Variants in SLC29A3 observed in about 807,000 individuals in gnomAD.
SLC29A3 encodes the protein solute carrier family 29 member 3, also known as equilibrative nucleoside transporter 3.
In SLC29A3, 18 loss-of-function variants were observed where a neutral mutation model predicts 25.4. That is an observed-to-expected ratio of 0.71 (90% CI 0.49 to 1.05). The LOEUF is 1.05. Ranked by LOEUF, SLC29A3 falls within the 50% of genes least tolerant of loss-of-function variation. The probability of loss-of-function intolerance (pLI) is 0.00; values close to 1 mark genes in which losing one functional copy is unlikely to be tolerated. For synonymous variants in SLC29A3, 258 were observed against 267.1 expected (o/e 0.97, Z 0.33); for missense variants, 586 against 609.0 (o/e 0.96, Z 0.40).
intron 1 of SLC29A3, 79 bp downstream of exon 1, chr10:71,319,389 G>T: frequency 1.7e-6 from 1 of 582,468 alleles, no homozygotes; most frequent in South Asian, 2.0e-5. Flanking sequence ...CTCCCTCCCG[G>T]GCCCTGGGGG....
Position 71,361,950 on chromosome 10 carries a change from G to A in SLC29A3, c.774-4G>A, listed in dbSNP as rs979881042. The A allele has an allele frequency of 3.1e-6, 5 of 1,613,846 alleles. No individual in the cohort carries two copies. The African/African-American group carries it at 5.3e-5, about 17-fold the overall frequency. On this transcript the variant is annotated splice_polypyrimidine_tract_variant and splice_region_variant and intron_variant, in intron 5 of 5. Transcript: ENST00000373189. ...TTGATGGTGGCCCTGTCTCCTCCCT[G>A]CAGGTACTACATGAGGCCTGTTCTT...
chr10:71,335,000 C>G (rs937850322), intron 2 of SLC29A3, among the ~76,000 whole-genome samples: 1 of 148,892 alleles, frequency 6.7e-6, no homozygotes, highest in African/African-American at 2.5e-5. Context: ...CACTGGCATT[C>G]CCAGCCCCTA....
chr10:71,344,357 G>A, intron 3 of SLC29A3, 66 bp downstream of exon 3: 2 of 1,243,262 alleles, frequency 1.6e-6, no homozygotes. Context: ...CTCCCCTCTT[G>A]CCTGCAGCTG....
downstream of SLC29A3, among the ~76,000 whole-genome samples, chr10:71,367,329 A>T (rs1847178467): frequency 6.6e-6 from 1 of 152,142 alleles, no homozygotes; most frequent in Middle Eastern, 3.2e-3. Flanking sequence ...GGGACATGAG[A>T]CAGAGCTTTA....
Position 71,322,960 on chromosome 10 carries a change from ACTT to A in SLC29A3, c.210_212del (p.Phe71del), listed in dbSNP as rs766108072. On this transcript the variant is annotated inframe_deletion, in exon 2 of 6. Transcript: ENST00000373189. ...GGCATTGGCAGTCTACTGCCATGGA[ACTT>A]CTTTATCACTGCCAAGGAGTACTGG... is the stretch of plus-strand genomic sequence containing the variant. 1.2e-6 allele frequency: 2 copies of A among 1,614,156 alleles called. No individual in the cohort carries two copies. The highest frequency in any genetic ancestry group is 1.7e-6 in the Non-Finnish European group (2 of 1,180,032).
exon 5 of SLC29A3, chr10:71,380,247 C>T (rs10823725): frequency 0.27 from 40,583 of 152,040 alleles, 5,861 homozygotes; most frequent in African/African-American, 0.38. Context: ...AGGTTCCAGC[C>T]GTCTTGTTAA....
intron 2 of SLC29A3, among the ~76,000 whole-genome samples, chr10:71,334,364 C>T (rs1239883300): frequency 1.3e-5 from 2 of 152,212 alleles, no homozygotes; most frequent in Non-Finnish European, 2.9e-5. Flanking sequence ...AGATTTGGCC[C>T]GGGGGTAACC....
intron 3 of SLC29A3, among the ~76,000 whole-genome samples, chr10:71,350,003 T>C (rs1312166704): frequency 1.3e-5 from 2 of 152,204 alleles, no homozygotes; most frequent in Non-Finnish European, 2.9e-5. Flanking sequence ...TCCAGCATAG[T>C]ACTGGACACA....
At chr10:71,334,318 C>T (rs951350833) in intron 2 of SLC29A3, among the ~76,000 whole-genome samples, 16 of 152,332 alleles carry the variant, frequency 1.1e-4, no homozygotes, top group South Asian at 1.0e-3. Context: ...GACCGAAGGC[C>T]GACCGCGTTC....
intron 2 of SLC29A3, 24 bp from the exon 3 acceptor site, chr10:71,344,185 A>G: frequency 6.3e-7 from 1 of 1,595,042 alleles, no homozygotes; most frequent in South Asian, 1.1e-5. Context: ...TGACCGCAGC[A>G]CCTCCTCACT....
At chr10:71,326,452 G>A (rs1044171462) in intron 2 of SLC29A3, among the ~76,000 whole-genome samples, 3 of 152,218 alleles carry the variant, frequency 2.0e-5, no homozygotes, top group Non-Finnish European at 4.4e-5. Flanking sequence ...CTTAGCCGGG[G>A]TGCTTTACAA....
chr10:71,326,216 G>A (rs182767143), intron 2 of SLC29A3, among the ~76,000 whole-genome samples: 4 of 152,194 alleles, frequency 2.6e-5, no homozygotes, highest in South Asian at 2.1e-4. Context: ...CACCACACCC[G>A]GCCATCTTTC....
At chr10:71,324,970 C>T (rs528671219) in intron 2 of SLC29A3, among the ~76,000 whole-genome samples, 65 of 152,304 alleles carry the variant, frequency 4.3e-4, no homozygotes, top group Admixed American at 2.1e-3. Flanking sequence ...TCCGTTTCCA[C>T]GGCTGCCCCA....
At chr10:71,376,111 C>A (rs986317288) in intron 4 of SLC29A3, among the ~76,000 whole-genome samples, 5 of 152,184 alleles carry the variant, frequency 3.3e-5, no homozygotes, top group Non-Finnish European at 7.4e-5. Flanking sequence ...ACTTGAAACT[C>A]CAGGGAGTGG....
intron 2 of SLC29A3, among the ~76,000 whole-genome samples, chr10:71,329,346 T>C (rs1257901229): frequency 1.3e-5 from 2 of 150,552 alleles, no homozygotes; most frequent in South Asian, 2.1e-4. Context: ...TAATCCCAGC[T>C]ACCCAGGAGG....
chr10:71,326,084 G>GT (rs942998943), intron 2 of SLC29A3, among the ~76,000 whole-genome samples: 1 of 151,472 alleles, frequency 6.6e-6, no homozygotes, highest in Non-Finnish European at 1.5e-5. Flanking sequence ...TGCCTGACCA[G>GT]TTTTTTTGTA....
chr10:71,360,588 G>A (rs1176317692), intron 5 of SLC29A3, among the ~76,000 whole-genome samples: 1 of 152,232 alleles, frequency 6.6e-6, no homozygotes, highest in Non-Finnish European at 1.5e-5. Context: ...GTGCTGGGCA[G>A]AGTTAAACTG....
At position 71,362,112 on chromosome 10, in the gene SLC29A3, G is replaced by A. The variant is rs763633285; in HGVS notation, c.932G>A (p.Cys311Tyr). 2.5e-6 allele frequency: 4 copies of A among 1,613,986 alleles called. No individual in the cohort carries two copies. The highest frequency in any genetic ancestry group is 3.3e-5 in the Admixed American group (2 of 59,988). Residue 311 changes from cysteine to tyrosine, a missense_variant, in exon 6 of 6, where the codon TGT becomes TAT. Physicochemically the swap from Cys to Tyr is radical, Grantham distance 194. Transcript: ENST00000373189. ...AAGAAGACGGCCAGCCTGGGCTTCTGTGTCACCTACGTCTTCTTCATCACC... is the reference window on the plus strand; with the variant it reads ...AAGAAGACGGCCAGCCTGGGCTTCTATGTCACCTACGTCTTCTTCATCACC... ...ILKKTASLGFCVTYVFFITSL... is the reference protein window; with the variant it reads ...ILKKTASLGFYVTYVFFITSL...
intron 4 of SLC29A3, among the ~76,000 whole-genome samples, chr10:71,354,906 G>A (rs1219198075): frequency 6.6e-6 from 1 of 152,250 alleles, no homozygotes; most frequent in Admixed American, 6.5e-5. Flanking sequence ...AGGGAAGAAA[G>A]TAAGTGATCA....
Sources: allele counts gnomAD v4.1 joint callset (sites outside exome capture counted in the v4.1 genomes callset), GRCh38; gene constraint gnomAD v4.1.1; transcripts MANE v1.5; gene names NCBI Gene and HGNC (gene_info 2026-07-23, HGNC 2026-07-21).